The following SLIT3 variants were observed in gnomAD, a reference collection of about 807,000 sequenced individuals.
SLIT3 encodes the protein slit homolog 3 protein.
In SLIT3, 68 loss-of-function variants were observed where a neutral mutation model predicts 184.0. That is an observed-to-expected ratio of 0.37 (90% CI 0.30 to 0.45). The LOEUF is 0.45. Ranked by LOEUF, SLIT3 falls within the 20% of genes least tolerant of loss-of-function variation. The pLI, the probability that SLIT3 is intolerant of heterozygous loss-of-function variation, is 1.00. For missense variants in SLIT3, 1,707 were observed against 2,026.0 expected, an observed-to-expected ratio of 0.84 and a Z score of 3.02; for synonymous variants, 831 against 828.6, an observed-to-expected ratio of 1.00 and a Z score of -0.05.
rs138181378 is a variant in SLIT3, at chr5:169,065,991, G to T, written c.413+127488C>A. Among the ~76,000 whole-genome samples the T allele has an allele frequency of 8.3e-4, 127 of 152,308 alleles. 2 individuals are homozygous for T. The highest frequency in any genetic ancestry group is 3.4e-3 in the Middle Eastern group (1 of 294). ...TACTAGCAAAAAGTGTGCAAGGCAG[G>T]TGTCATTCCAGTTGACAGATGAAGA... On this transcript the variant is annotated intron_variant, in intron 4 of 35. Coordinates refer to ENST00000519560, the MANE Select transcript of SLIT3 (RefSeq NM_003062.4).
intron 4 of SLIT3, among the ~76,000 whole-genome samples, chr5:169,092,379 A>G (rs976840625): frequency 1.3e-5 from 2 of 152,166 alleles, no homozygotes; most frequent in South Asian, 4.1e-4. Context: ...CATATGGACC[A>G]TAGCGGAGAT....
rs565951069 is a variant in SLIT3, at chr5:169,026,619, T to C, written c.414-143283A>G. ...AAATCAGCCTACAAAACAACATGCATAGCATAATCCTATTTAAAATATATC... is the reference window on the plus strand; with the variant it reads ...AAATCAGCCTACAAAACAACATGCACAGCATAATCCTATTTAAAATATATC... On this transcript the variant is annotated intron_variant, in intron 4 of 35. Transcript: ENST00000519560. 15 of 152,342 alleles carry C rather than the reference T, an allele frequency of 9.8e-5. No individual in the cohort carries two copies. In the South Asian group the frequency reaches 2.5e-3, roughly 25 times the overall value. The allele number at this position is 152,342 out of a possible 1,614,324, so 9.4% of individuals were successfully genotyped here. A position where few individuals can be genotyped will look rare whatever the true frequency, so the allele number is the denominator to read the frequency against.
intron 6 of SLIT3, among the ~76,000 whole-genome samples, chr5:168,831,527 T>C (rs1166735528): frequency 1.3e-5 from 2 of 152,188 alleles, no homozygotes; most frequent in Non-Finnish European, 2.9e-5. Flanking sequence ...GAAAACATAA[T>C]GATCTCACAA....
intron 4 of SLIT3, among the ~76,000 whole-genome samples, chr5:169,123,857 T>C (rs1167847443): frequency 6.6e-6 from 1 of 152,168 alleles, no homozygotes; most frequent in Non-Finnish European, 1.5e-5. Context: ...TGCTTGCTGA[T>C]GTTCTAGGGG....
At chr5:169,057,629 T>C (rs775417664) in intron 4 of SLIT3, among the ~76,000 whole-genome samples, 6 of 152,196 alleles carry the variant, frequency 3.9e-5, no homozygotes, top group Non-Finnish European at 7.3e-5. Flanking sequence ...TGCTGGGGTC[T>C]GGACACGGCA....
chr5:169,072,060 A>G (rs1033377693), intron 4 of SLIT3, among the ~76,000 whole-genome samples: 1 of 152,154 alleles, frequency 6.6e-6, no homozygotes, highest in African/African-American at 2.4e-5. Context: ...TATGAGAATG[A>G]CCACATCCAG....
intron 4 of SLIT3, among the ~76,000 whole-genome samples, chr5:169,093,347 G>T (rs1313821048): frequency 6.6e-6 from 1 of 151,938 alleles, no homozygotes; most frequent in African/African-American, 2.4e-5. Context: ...CAAAATTCTG[G>T]AACTGATTAT....
intron 3 of SLIT3, among the ~76,000 whole-genome samples, chr5:169,226,866 G>A (rs1445180822): frequency 6.6e-6 from 1 of 152,088 alleles, no homozygotes; most frequent in Non-Finnish European, 1.5e-5. Flanking sequence ...TTACAATGTG[G>A]GACACTGGAG....
At chr5:168,772,397 T>A (rs1755587159) in intron 14 of SLIT3, 1 of 239,662 alleles carries the variant, frequency 4.2e-6, no homozygotes, top group South Asian at 5.6e-5. Flanking sequence ...TATATGTATT[T>A]CTCTACTTGC....
intron 4 of SLIT3, among the ~76,000 whole-genome samples, chr5:168,946,787 G>A (rs1762495975): frequency 1.3e-5 from 2 of 152,124 alleles, no homozygotes; most frequent in South Asian, 4.2e-4. Flanking sequence ...TCTTTGCTCA[G>A]TTACTCCAGG....
At chr5:168,740,643 C>G (rs77807301) in intron 20 of SLIT3, among the ~76,000 whole-genome samples, 11,952 of 152,136 alleles carry the variant, frequency 0.079, 1,568 homozygotes, top group African/African-American at 0.27. Flanking sequence ...CTGCTTACCC[C>G]CAACCCTCCA....
intron 4 of SLIT3, among the ~76,000 whole-genome samples, chr5:169,096,376 A>C (rs889421485): frequency 1.3e-5 from 2 of 152,124 alleles, no homozygotes; most frequent in Admixed American, 6.5e-5. Flanking sequence ...TTGTTTTCTA[A>C]TTGTTTAGAG....
At chr5:168,680,236 T>C (rs1761544991) in intron 32 of SLIT3, among the ~76,000 whole-genome samples, 1 of 152,260 alleles carries the variant, frequency 6.6e-6, no homozygotes, top group African/African-American at 2.4e-5. Flanking sequence ...CATGTGAGTC[T>C]GGCCTTCTCA....
intron 1 of SLIT3, among the ~76,000 whole-genome samples, chr5:169,287,272 A>T (rs1303723309): frequency 6.6e-6 from 1 of 151,726 alleles, no homozygotes; most frequent in Non-Finnish European, 1.5e-5. Context: ...CCCTCTCTAG[A>T]CTCGAAATAA....
Position 168,812,400 on chromosome 5 carries a change from CCT to C in SLIT3, c.793+4898_793+4899del, listed in dbSNP as rs57061507. 1.2e-4 allele frequency among the ~76,000 whole-genome samples: 19 copies of C among 152,226 alleles called. No homozygotes were observed. In the South Asian group the frequency reaches 2.5e-3, roughly 20 times the overall value. ...GTATGAGGTGACAGACATGCTAAAT[CCT>C]CTGATTTGATTTTTACATAATATAT... is the stretch of plus-strand genomic sequence containing the variant. On this transcript the variant is annotated intron_variant, in intron 8 of 35. Coordinates refer to ENST00000519560, the MANE Select transcript of SLIT3 (RefSeq NM_003062.4).
At chr5:168,972,809 C>A (rs1399073192) in intron 4 of SLIT3, among the ~76,000 whole-genome samples, 1 of 152,150 alleles carries the variant, frequency 6.6e-6, no homozygotes, top group Non-Finnish European at 1.5e-5. Flanking sequence ...TGTAACATTT[C>A]ATCCACACTT....
chr5:169,055,496 A>G (rs1182999412), intron 4 of SLIT3, among the ~76,000 whole-genome samples: 2 of 152,200 alleles, frequency 1.3e-5, no homozygotes, highest in African/African-American at 4.8e-5. Context: ...TAACAGCAAA[A>G]AGGCCAGGAA....
chr5:168,882,291 T>A (rs543562693), intron 5 of SLIT3, among the ~76,000 whole-genome samples: 1 of 152,100 alleles, frequency 6.6e-6, no homozygotes, highest in Non-Finnish European at 1.5e-5. Flanking sequence ...TCCAAAAGCA[T>A]GTTCCGACCC....
At chr5:169,242,102 G>A (rs533636990) in intron 3 of SLIT3, among the ~76,000 whole-genome samples, 90 of 152,306 alleles carry the variant, frequency 5.9e-4, no homozygotes, top group Middle Eastern at 3.4e-3. Context: ...ATTATTAATA[G>A]CAAATGTATT....
Sources: allele counts gnomAD v4.1 joint callset (sites outside exome capture counted in the v4.1 genomes callset), GRCh38; gene constraint gnomAD v4.1.1; transcripts MANE v1.5; gene names NCBI Gene and HGNC (gene_info 2026-07-23, HGNC 2026-07-21).